The following MUC5B variants were observed in gnomAD, a reference collection of about 807,000 sequenced individuals.
The protein encoded by MUC5B is mucin 5B, oligomeric mucus/gel-forming, also known as mucin-5B.
MUC5B carries 116 observed loss-of-function variants against 376.9 expected under a neutral mutation model. The observed-to-expected ratio is 0.31, with a 90% CI of 0.26 to 0.36. The LOEUF is 0.36. MUC5B is among the 10% of genes least tolerant of loss of function. The pLI is 1.00. For missense variants in MUC5B, 7,165 were observed against 7,769.9 expected, an observed-to-expected ratio of 0.92 and a Z score of 2.93; for synonymous variants, 3,517 against 3,390.9, an observed-to-expected ratio of 1.04 and a Z score of -1.29.
At chr11:1,225,585 G>C in intron 1 of MUC5B, 96 bp from the exon 2 acceptor site, 1 of 1,143,326 alleles carries the variant, frequency 8.7e-7, no homozygotes, top group East Asian at 2.6e-5. Flanking sequence ...CCCCACATGC[G>C]GCTGCCGCAC....
intron 1 of MUC5B, among the ~76,000 whole-genome samples, chr11:1,224,057 G>C (rs535285017): frequency 3.7e-4 from 56 of 152,212 alleles, no homozygotes; most frequent in Non-Finnish European, 4.1e-4. Flanking sequence ...GCCTGGGCCC[G>C]GGGGGAGCTG....
At position 1,246,079 on chromosome 11, in the gene MUC5B, A is replaced by G. The variant is rs1862453892; in HGVS notation, c.9199A>G (p.Thr3067Ala). ...CACCAAATCCACAGCTACCAGCTTT[A>G]CACCCATCCCCTCCTTCACCCTTGG... ...TATKSTATSF[T>A]PIPSFTLGTT... The change falls in exon 31 of 49, where the codon ACA becomes GCA. Residue 3067 changes from threonine to alanine, a missense_variant. Transcript: ENST00000529681. 2.5e-6 allele frequency: 4 copies of G among 1,612,866 alleles called. No individual in the cohort carries two copies. Among genetic ancestry groups the G allele is most frequent in the Non-Finnish European group, 3.4e-6 (4 of 1,179,560 alleles).
At position 1,234,551 on chromosome 11, in the gene MUC5B, G is replaced by T; in HGVS notation, c.2501G>T (p.Gly834Val). The T allele has an allele frequency of 6.3e-7, 1 of 1,582,334 alleles. No homozygotes were observed. Residue 834 changes from glycine to valine, a missense_variant, in exon 21 of 49, where the codon GGC becomes GTC. Physicochemically the swap from Gly to Val is moderately radical, Grantham distance 109. Coordinates refer to ENST00000529681, the MANE Select transcript of MUC5B (RefSeq NM_002458.3). The surrounding 1 kb of genome is among the most constrained non-coding windows in gnomAD (Gnocchi z 6.3). ...VGCFSTHCVS[G>V]CVCPPGLVSD... ...CAGTTCAGCACACACTGCGTGTCCGGCTGTGTCTGTCCCCCGGGGCTGGTG... is the reference window on the plus strand; with the variant it reads ...CAGTTCAGCACACACTGCGTGTCCGTCTGTGTCTGTCCCCCGGGGCTGGTG...
rs923661329 is a variant in MUC5B at position 1,260,534 on chromosome 11, G to T, written c.16967-92G>T. 4 of 1,441,852 alleles carry T rather than the reference G, an allele frequency of 2.8e-6. No individual in the cohort carries two copies. In the African/African-American group the frequency reaches 4.2e-5, roughly 15 times the overall value. 89.3% of individuals were successfully genotyped at this position (1,441,852 alleles called of 1,614,324 possible). On this transcript the variant is annotated intron_variant, in intron 47 of 48. Coordinates refer to ENST00000529681, the MANE Select transcript of MUC5B (RefSeq NM_002458.3). ...CCCTCGGTCCTGGAGGGCCATGGGA[G>T]GGGTGGTCCCATGGGGAGGGTCGGC...
At position 1,250,570 on chromosome 11, in the gene MUC5B, G is replaced by C. The variant is rs1323858712; in HGVS notation, c.13690G>C (p.Val4564Leu). 1 of 1,613,150 alleles carries C rather than the reference G, an allele frequency of 6.2e-7. No individual in the cohort carries two copies. Among genetic ancestry groups the C allele is most frequent in the East Asian group, 2.2e-5 (1 of 44,790 alleles). Reference sequence around the variant, plus strand: ...TCCAGAGACTGTCCACACCTCCACAGTGCTTACCGCCACGGCCACCACAAC... The same window carrying C: ...TCCAGAGACTGTCCACACCTCCACACTGCTTACCGCCACGGCCACCACAAC... ...STPETVHTST[V>L]LTATATTTGA... The change falls in exon 31 of 49, where the codon GTG becomes CTG. Residue 4564 changes from valine to leucine, a missense_variant. This residue lies in a region of MUC5B where 730 missense variants were observed against 592.7 expected (regional missense o/e 1.23). Coordinates refer to ENST00000529681, the MANE Select transcript of MUC5B (RefSeq NM_002458.3).
intron 23 of MUC5B, 27 bp downstream of exon 23, chr11:1,235,440 C>A: frequency 6.3e-7 from 1 of 1,587,400 alleles, no homozygotes; most frequent in Middle Eastern, 1.7e-4. Flanking sequence ...CTGTGAGCAC[C>A]CCCGACCCTG....
chr11:1,247,598 C>A lies in MUC5B; in HGVS notation c.10718C>A (p.Pro3573His). Residue 3573 changes from proline (P) to histidine (H), a missense_variant, in exon 31 of 49, where the codon CCC (proline) becomes CAC (histidine). Transcript: ENST00000529681. ...ACGGTGGTGACCACGGGCTGTGAGC[C>A]CCAGTGTGCCTGGTCAGAGTGGCTG... ...ITTVVTTGCE[P>H]QCAWSEWLDY... is the part of the protein sequence containing the mutation. The A allele has an allele frequency of 6.2e-7, 1 of 1,610,662 alleles. No homozygotes were observed. The highest frequency in any genetic ancestry group is 1.1e-5 in the South Asian group (1 of 90,938).
At position 1,239,827 on chromosome 11, in the gene MUC5B, G is replaced by C; in HGVS notation, c.3612G>C (p.Gln1204His). The change falls in exon 28 of 49, where the codon CAG becomes CAC. Residue 1204 changes from glutamine to histidine, a missense_variant. Around this residue, in one of 31 missense-constraint regions of MUC5B, gnomAD observed 517 missense variants for 545.3 expected, o/e 0.95. Coordinates refer to ENST00000529681, the MANE Select transcript of MUC5B (RefSeq NM_002458.3). Reference protein sequence around the residue: ...EGCYPKCPPSQPFFNEDQMKC... With the variant: ...EGCYPKCPPSHPFFNEDQMKC... ...GCTACCCGAAGTGCCCACCCAGCCAGCCCTTCTTCAATGAGGACCAGATGA... is the reference window on the plus strand; with the variant it reads ...GCTACCCGAAGTGCCCACCCAGCCACCCCTTCTTCAATGAGGACCAGATGA... 1 of 1,612,322 alleles carries C rather than the reference G, an allele frequency of 6.2e-7. No individual in the cohort carries two copies. The highest frequency in any genetic ancestry group is 8.5e-7 in the Non-Finnish European group (1 of 1,179,318).
In MUC5B at chr11:1,258,880, G is replaced by A; in HGVS notation, c.16594-62G>A. 1 of 1,543,204 alleles carries A rather than the reference G, an allele frequency of 6.5e-7. No individual in the cohort carries two copies. The highest frequency in any genetic ancestry group is 1.8e-4 in the Middle Eastern group (1 of 5,502). On this transcript the variant is annotated intron_variant, in intron 43 of 48. Coordinates refer to ENST00000529681, the MANE Select transcript of MUC5B (RefSeq NM_002458.3). This position sits in a 1 kb window ranked among gnomAD's most constrained non-coding sequence, Gnocchi z 5.5. ...CCCTGCAGGCCCCATTGGGTCATGG[G>A]GAGGGGTCCTGGCCCTGTTGCCCCA...
rs185960862 is a variant in MUC5B at position 1,247,940 on chromosome 11, C to T, written c.11060C>T (p.Pro3687Leu). Reference sequence around the variant, plus strand: ...TCTACGGCCACGCCCTCCTCAACTCCGGGGACGACCTGGATCCTCACAAAG... The same window carrying T: ...TCTACGGCCACGCCCTCCTCAACTCTGGGGACGACCTGGATCCTCACAAAG... ...TSSTATPSST[P>L]GTTWILTKLT... is the part of the protein sequence containing the mutation. Residue 3687 changes from proline (P) to leucine (L), a missense_variant, in exon 31 of 49, where the codon CCG (proline) becomes CTG (leucine). By Grantham distance (98) the Pro-to-Leu change is moderately conservative (BLOSUM62 -3). Transcript: ENST00000529681. The T allele has an allele frequency of 2.3e-4, 372 of 1,611,358 alleles. 6 individuals are homozygous for T. The highest frequency in any genetic ancestry group is 1.9e-3 in the Admixed American group (111 of 59,986).
At chr11:1,260,145 C>G (rs1289393089) in intron 46 of MUC5B, 60 bp downstream of exon 46, 10 of 1,589,684 alleles carry the variant, frequency 6.3e-6, no homozygotes, top group Non-Finnish European at 8.6e-6. Context: ...AGGCCCAACC[C>G]CTGTCTGGGA....
Position 1,225,727 on chromosome 11 carries a change from C to A in MUC5B, c.117C>A (p.Thr39=). ...CGAGCTGGGAGAATGCAGGGCACAC[C>A]ATGGATGGCGGTATGTGGCCAGGTT... is the stretch of plus-strand genomic sequence containing the variant. ...VEPSWENAGH[T]MDGGAPTSSP... is the part of the protein sequence containing the mutation. Residue 39 remains threonine, a synonymous_variant, in exon 2 of 49, where the codon ACC becomes ACA. Transcript: ENST00000529681. 3 of 1,606,320 alleles carry A rather than the reference C, an allele frequency of 1.9e-6. No individual in the cohort carries two copies. The highest frequency in any genetic ancestry group is 2.5e-6 in the Non-Finnish European group (3 of 1,177,060).
chr11:1,250,473 C>T lies in MUC5B; in HGVS notation c.13593C>T (p.Gly4531=), dbSNP rs1262316172. The part of the protein sequence containing the change: ...SFTAIPSSSL[G]TTWTRLSQTT... ...CAGCCATCCCCTCCTCCTCCCTGGG[C>T]ACCACCTGGACCCGCCTATCACAGA... The change falls in exon 31 of 49, where the codon GGC becomes GGT. Residue 4531 remains glycine, a synonymous_variant. Transcript: ENST00000529681. 6.3e-7 allele frequency: 1 copy of T among 1,596,032 alleles called. No individual in the cohort carries two copies. Among genetic ancestry groups the T allele is most frequent in the African/African-American group, 1.3e-5 (1 of 74,424 alleles).
chr11:1,260,456 C>T (rs1862969054), intron 47 of MUC5B, 63 bp downstream of exon 47: 7 of 1,582,270 alleles, frequency 4.4e-6, no homozygotes, highest in African/African-American at 2.7e-5. Context: ...CCCATCCATT[C>T]CTGCCCAGAC....
At position 1,236,482 on chromosome 11, in the gene MUC5B, CT is replaced by C; in HGVS notation, c.2978del (p.Leu993ArgfsTer118). Reference protein sequence around the residue: ...PYKIRYMGIFLVIETHGMAVS... With the variant: ...PYKIRYMGIFXVIETHGMAVS... ...CAAGATACGCTACATGGGGATCTTC[CT>C]GGTCATCGAGACCCACGGGATGGCC... On this transcript the variant is annotated frameshift_variant, in exon 24 of 49. Transcript: ENST00000529681. LOFTEE classifies it high-confidence loss of function. 1 of 1,613,178 alleles carries C rather than the reference CT, an allele frequency of 6.2e-7. No homozygotes were observed. The highest frequency in any genetic ancestry group is 1.1e-5 in the South Asian group (1 of 91,084).
Position 1,248,542 on chromosome 11 carries a change from C to T in MUC5B, c.11662C>T (p.Pro3888Ser), listed in dbSNP as rs1461278763. ...CAGCCCAGGGACGGCACGCACGCCT[C>T]CAGTGTGGATCAGCACAACCACCAC... ...SSSPGTARTP[P>S]VWISTTTTPT... The change falls in exon 31 of 49, where the codon CCA (proline) becomes TCA (serine). Residue 3888 changes from proline (P) to serine (S), a missense_variant. Transcript: ENST00000529681. The T allele has an allele frequency of 8.1e-6, 13 of 1,613,240 alleles. No individual in the cohort carries two copies. The highest frequency in any genetic ancestry group is 9.3e-6 in the Non-Finnish European group (11 of 1,179,686).
In MUC5B at chr11:1,246,241, T is replaced by C. The variant is rs1218576980; in HGVS notation, c.9361T>C (p.Ser3121Pro). 5 of 1,610,518 alleles carry C rather than the reference T, an allele frequency of 3.1e-6. No homozygotes were observed. The highest frequency in any genetic ancestry group is 4.2e-6 in the Non-Finnish European group (5 of 1,179,010). The stretch of plus-strand genomic sequence containing the variant: ...GGCCACCACGACAAGGGCCACCAGT[T>C]CCATGTCCACCCCCTCCTCCACTCC... ...TKATTTRATS[S>P]MSTPSSTPGT... is the part of the protein sequence containing the mutation. The change falls in exon 31 of 49, where the codon TCC becomes CCC. Residue 3121 changes from serine to proline, a missense_variant. Physicochemically the swap from Ser to Pro is moderately conservative, Grantham distance 74 (BLOSUM62 -1). This residue lies in a region of MUC5B where 939 missense variants were observed against 770.6 expected (regional missense o/e 1.22). Coordinates refer to ENST00000529681, the MANE Select transcript of MUC5B (RefSeq NM_002458.3).
rs1862212628 is a variant in MUC5B, at chr11:1,238,876, C to T, written c.3303C>T (p.Asp1101=). 1 of 1,555,416 alleles carries T rather than the reference C, an allele frequency of 6.4e-7. No homozygotes were observed. Among genetic ancestry groups the T allele is most frequent in the Middle Eastern group, 1.7e-4 (1 of 5,988 alleles). Residue 1101 remains aspartate (D), a synonymous_variant, in exon 26 of 49, where the codon GAC becomes GAT. Coordinates refer to ENST00000529681, the MANE Select transcript of MUC5B (RefSeq NM_002458.3). ...PTFAACRSQV[D]STKYYEACVN... Reference sequence around the variant, plus strand: ...CACCTTGGCCTCACCCGCAGGTTGACTCCACCAAGTACTACGAGGCCTGCG... The same window carrying T: ...CACCTTGGCCTCACCCGCAGGTTGATTCCACCAAGTACTACGAGGCCTGCG...
At position 1,243,088 on chromosome 11, in the gene MUC5B, G is replaced by A. The variant is rs1246118651; in HGVS notation, c.6208G>A (p.Ala2070Thr). The change falls in exon 31 of 49, where the codon GCA becomes ACA. Residue 2070 changes from alanine to threonine, a missense_variant. This residue lies in a region of MUC5B where 897 missense variants were observed against 779.6 expected (regional missense o/e 1.15). Coordinates refer to ENST00000529681, the MANE Select transcript of MUC5B (RefSeq NM_002458.3). Reference sequence around the variant, plus strand: ...CACCCCCTCCTCCAGCCCAGGGACGGCACTCACGCCTCCAGTGTGGATCAG... The same window carrying A: ...CACCCCCTCCTCCAGCCCAGGGACGACACTCACGCCTCCAGTGTGGATCAG... ...TATPSSSPGT[A>T]LTPPVWISTT... 11 of 1,611,258 alleles carry A rather than the reference G, an allele frequency of 6.8e-6. No homozygotes were observed. The highest frequency in any genetic ancestry group is 8.5e-6 in the Non-Finnish European group (10 of 1,178,898).
Sources: allele counts gnomAD v4.1 joint callset (sites outside exome capture counted in the v4.1 genomes callset), GRCh38; gene constraint gnomAD v4.1.1; regional missense constraint gnomAD v4.1.1; non-coding constraint Gnocchi (gnomAD v3.1); transcripts MANE v1.5; gene names NCBI Gene and HGNC (gene_info 2026-07-23, HGNC 2026-07-21).